The following DNAJB5 variants were observed in gnomAD, a reference collection of about 807,000 sequenced individuals.
DNAJB5 encodes the protein dnaJ homolog subfamily B member 5.
DNAJB5 carries 12 observed loss-of-function variants against 32.6 expected under a neutral mutation model. The observed-to-expected ratio is 0.37, with a 90% CI of 0.24 to 0.60. The LOEUF is 0.60. Among genes scored for constraint, DNAJB5 ranks in the 20% least tolerant of loss-of-function variants. The probability of loss-of-function intolerance (pLI) is 0.71; values close to 1 mark genes in which losing one functional copy is unlikely to be tolerated. For missense variants in DNAJB5, 358 were observed against 554.2 expected (o/e 0.65, Z 3.55); for synonymous variants, 188 against 212.9 (o/e 0.88, Z 1.02).
In DNAJB5 at chr9:34,996,265, G is replaced by T; in HGVS notation, c.428G>T (p.Gly143Val). The T allele has an allele frequency of 6.2e-7, 1 of 1,612,872 alleles. No individual in the cohort carries two copies. The highest frequency in any genetic ancestry group is 8.5e-7 in the Non-Finnish European group (1 of 1,179,246). Residue 143 changes from glycine (G) to valine (V), a missense_variant and splice_region_variant, in exon 4 of 5, where the codon GGC (glycine) becomes GTC (valine). Around this residue, in one of 2 missense-constraint regions of DNAJB5, gnomAD observed 248 missense variants for 442.6 expected, o/e 0.56. Transcript: ENST00000682809. This position sits in a 1 kb window ranked among gnomAD's most constrained non-coding sequence, Gnocchi z 7.2. ...GCCCCTAACTTCTCCTCCCCTCTAG[G>T]CCTGAAGACCGGCGGTGGCACATCA... ...RGLYDQYGEE[G>V]LKTGGGTSGG...
At chr9:34,991,591 G>A (rs887927590) in intron 2 of DNAJB5, 6 of 329,198 alleles carry the variant, frequency 1.8e-5, no homozygotes, top group African/African-American at 4.4e-5. Context: ...AAGAAGGTGT[G>A]GGTTGAGGCA....
Position 34,997,791 on chromosome 9 carries a change from GGA to G in DNAJB5, c.*538_*539del, listed in dbSNP as rs1436825081. On this transcript the variant is annotated 3_prime_UTR_variant, in exon 5 of 5. Coordinates refer to ENST00000682809, the MANE Select transcript of DNAJB5 (RefSeq NM_001349723.3). The surrounding 1 kb of genome is among the most constrained non-coding windows in gnomAD (Gnocchi z 4.1). ...GCTGTCTGTGCCTCTCTGGGAGAAA[GGA>G]GAGAGGATAAGAAGGGAAAGTTCAC... is the stretch of plus-strand genomic sequence containing the variant. 4 of 216,652 alleles carry G rather than the reference GGA, an allele frequency of 1.8e-5. No homozygotes were observed. The highest frequency in any genetic ancestry group is 1.4e-4 in the South Asian group (2 of 13,894). The allele number at this position is 216,652 out of a possible 1,614,324, so 13.4% of individuals were successfully genotyped here.
In DNAJB5 at chr9:34,998,246, C is replaced by T. The variant is rs1414678569; in HGVS notation, c.*987C>T. The T allele has an allele frequency of 6.6e-6, 1 of 152,550 alleles. No homozygotes were observed. The allele number at this position is 152,550 out of a possible 1,614,324, so 9.4% of individuals were successfully genotyped here. A position where few individuals can be genotyped will look rare whatever the true frequency, so the allele number is the denominator to read the frequency against. ...GCCCTTTTATGCCTGTGTGATCCCA[C>T]CCCACCCCCATAGTTGTATAAAGGT... On this transcript the variant is annotated 3_prime_UTR_variant, in exon 5 of 5. Coordinates refer to ENST00000682809, the MANE Select transcript of DNAJB5 (RefSeq NM_001349723.3).
rs1263255612 is a variant in DNAJB5, at chr9:34,990,019, G to A, written c.-133+188G>A. 6.7e-6 allele frequency among the ~76,000 whole-genome samples: 1 copy of A among 148,722 alleles called. No homozygotes were observed. Among genetic ancestry groups the A allele is most frequent in the East Asian group, 2.1e-4 (1 of 4,822 alleles). On this transcript the variant is annotated intron_variant, in intron 1 of 4. Transcript: ENST00000682809. The surrounding 1 kb of genome is among the most constrained non-coding windows in gnomAD (Gnocchi z 4.5). ...TTGGCTGTCACAGGGGGCAGCCAGCGTCTGAGTCGGGGAGGGGAGGGGAGG... is the reference window on the plus strand; with the variant it reads ...TTGGCTGTCACAGGGGGCAGCCAGCATCTGAGTCGGGGAGGGGAGGGGAGG...
intron 3 of DNAJB5, among the ~76,000 whole-genome samples, chr9:34,995,955 C>G (rs1587500998): frequency 6.6e-6 from 1 of 152,204 alleles, no homozygotes; most frequent in East Asian, 1.9e-4. Flanking sequence ...ATCTTTGGAC[C>G]ATGAGTATGT....
intron 3 of DNAJB5, among the ~76,000 whole-genome samples, chr9:34,994,546 G>C (rs1393840283): frequency 6.6e-6 from 1 of 152,212 alleles, no homozygotes; most frequent in Non-Finnish European, 1.5e-5. Flanking sequence ...CTGGCATGGA[G>C]GGATGGGAGG....
At position 34,996,856 on chromosome 9, in the gene DNAJB5, G is replaced by T; in HGVS notation, c.1019G>T (p.Ser340Ile). ...AACGTGCTCTACAGTGCCCTGATCA[G>T]CCTCAAGGAGGTGGGGCCTAGTCAG... ...GTNVLYSALI[S>I]LKEALCGCTV... is the part of the protein sequence containing the mutation. The change falls in exon 4 of 5, where the codon AGC becomes ATC. Residue 340 changes from serine (S) to isoleucine (I), a missense_variant. Ser to Ile is a moderately radical substitution (Grantham distance 142, BLOSUM62 -2). This residue lies in a region of DNAJB5 where 248 missense variants were observed against 442.6 expected (regional missense o/e 0.56). Coordinates refer to ENST00000682809, the MANE Select transcript of DNAJB5 (RefSeq NM_001349723.3). This position sits in a 1 kb window ranked among gnomAD's most constrained non-coding sequence, Gnocchi z 7.2. The T allele has an allele frequency of 6.2e-7, 1 of 1,607,360 alleles. No homozygotes were observed.
In DNAJB5 at chr9:34,996,899, G is replaced by T. The variant is rs1827814038; in HGVS notation, c.1029+33G>T. Reference sequence around the variant, plus strand: ...CTAGTCAGGCTGTGTGTGTGTGCTGGGGAGATGGTGGGGACATTCCCTCTC... The same window carrying T: ...CTAGTCAGGCTGTGTGTGTGTGCTGTGGAGATGGTGGGGACATTCCCTCTC... On this transcript the variant is annotated intron_variant, in intron 4 of 4. Transcript: ENST00000682809. This position sits in a 1 kb window ranked among gnomAD's most constrained non-coding sequence, Gnocchi z 7.2. 6.3e-7 allele frequency: 1 copy of T among 1,589,070 alleles called. No individual in the cohort carries two copies. The highest frequency in any genetic ancestry group is 8.6e-7 in the Non-Finnish European group (1 of 1,168,674).
At chr9:34,992,838 A>C in intron 2 of DNAJB5, 2 of 1,072,410 alleles carry the variant, frequency 1.9e-6, no homozygotes, top group African/African-American at 3.3e-5. Flanking sequence ...GACCTTCGCC[A>C]GCTCCTGTGT....
chr9:34,991,677 C>CA (rs948855451), intron 2 of DNAJB5: 5 of 260,982 alleles, frequency 1.9e-5, no homozygotes, highest in South Asian at 5.8e-5. Context: ...TGCCCCCCCC[C>CA]CCAACGAGGT....
In DNAJB5 at chr9:34,993,092, T is replaced by G. The variant is rs552197415; in HGVS notation, c.183-108T>G. 2 of 1,466,924 alleles carry G rather than the reference T, an allele frequency of 1.4e-6. No homozygotes were observed. Among genetic ancestry groups the G allele is most frequent in the African/African-American group, 1.4e-5 (1 of 70,396 alleles). 90.9% of individuals were successfully genotyped at this position (1,466,924 alleles called of 1,614,324 possible). ...GGGACGCAGGCCCACAGAACAGGCA[T>G]GACCTGCTGAAGGTTACCCAGGGAG... On this transcript the variant is annotated intron_variant, in intron 2 of 4. Coordinates refer to ENST00000682809, the MANE Select transcript of DNAJB5 (RefSeq NM_001349723.3). The surrounding 1 kb of genome is among the most constrained non-coding windows in gnomAD (Gnocchi z 4.7).
At position 34,991,675 on chromosome 9, in the gene DNAJB5, C is replaced by CCG. The variant is rs1554662739; in HGVS notation, c.182+864_182+865insGC. ...CCATTTCCGAAAACGGTTGCCCCCC[C>CCG]CCCCAACGAGGTGCTCTTTCTTCTC... On this transcript the variant is annotated intron_variant, in intron 2 of 4. Coordinates refer to ENST00000682809, the MANE Select transcript of DNAJB5 (RefSeq NM_001349723.3). The CCG allele has an allele frequency of 5.9e-5, 15 of 254,454 alleles. 2 individuals are homozygous for CCG. Among genetic ancestry groups the CCG allele is most frequent in the Admixed American group, 1.6e-4 (3 of 18,986 alleles). The allele number at this position is 254,454 out of a possible 1,614,324, so 15.8% of individuals were successfully genotyped here.
chr9:34,992,441 C>T (rs1827675423), intron 2 of DNAJB5: 1 of 152,262 alleles, frequency 6.6e-6, no homozygotes, highest in Non-Finnish European at 1.5e-5. Flanking sequence ...TTAGGCGGCA[C>T]AGCCCTCACA....
intron 2 of DNAJB5, chr9:34,991,093 A>T: frequency 2.0e-6 from 1 of 493,184 alleles, no homozygotes; most frequent in Non-Finnish European, 3.7e-6. Flanking sequence ...TTTCCACCTC[A>T]GCCATTTCCA....
chr9:34,996,017 C>A lies in DNAJB5; in HGVS notation c.428-248C>A, dbSNP rs4879849. Among the ~76,000 whole-genome samples the A allele has an allele frequency of 0.16, 23,677 of 152,150 alleles. 2,327 individuals carry two copies. The highest frequency in any genetic ancestry group is 0.39 in the East Asian group (2,007 of 5,176). ...CATCCTCTAAGTCCTCTAGTCCTGG[C>A]TTTTCCACCTATTGGGTAAGCAAGC... On this transcript the variant is annotated intron_variant, in intron 3 of 4. Coordinates refer to ENST00000682809, the MANE Select transcript of DNAJB5 (RefSeq NM_001349723.3). This position sits in a 1 kb window ranked among gnomAD's most constrained non-coding sequence, Gnocchi z 7.2.
At chr9:34,992,789 A>G (rs985387286) in intron 2 of DNAJB5, 97 of 1,018,596 alleles carry the variant, frequency 9.5e-5, no homozygotes, top group Non-Finnish European at 1.1e-4. Context: ...GGCGTGGCGT[A>G]GGAGACCACG....
At position 34,997,715 on chromosome 9, in the gene DNAJB5, G is replaced by C. The variant is rs1343312506; in HGVS notation, c.*456G>C. 1 of 324,484 alleles carries C rather than the reference G, an allele frequency of 3.1e-6. No homozygotes were observed. The highest frequency in any genetic ancestry group is 6.0e-6 in the Non-Finnish European group (1 of 165,406). 20.1% of individuals were successfully genotyped at this position (324,484 alleles called of 1,614,324 possible). A position where few individuals can be genotyped will look rare whatever the true frequency, so the allele number is the denominator to read the frequency against. On this transcript the variant is annotated 3_prime_UTR_variant, in exon 5 of 5. Coordinates refer to ENST00000682809, the MANE Select transcript of DNAJB5 (RefSeq NM_001349723.3). The surrounding 1 kb of genome is among the most constrained non-coding windows in gnomAD (Gnocchi z 4.1). ...TCTCAGCCCCACCCCCAGGTCCACA[G>C]TGTCCAAGGTAATGGCACACATATT...
Position 34,990,681 on chromosome 9 carries a change from G to A in DNAJB5, c.51G>A (p.Leu17=), listed in dbSNP as rs1827602444. The A allele has an allele frequency of 6.4e-7, 1 of 1,551,704 alleles. No homozygotes were observed. Residue 17 remains leucine (L), a synonymous_variant, in exon 2 of 5, where the codon CTG becomes CTA. Transcript: ENST00000682809. The surrounding 1 kb of genome is among the most constrained non-coding windows in gnomAD (Gnocchi z 4.5). ...GCCCACCCCCAGCAGCACCCCCACT[G>A]CAGGCCCGAGGAGCTTTCCGGAGCT... ...LSCPPPAAPP[L]QARGAFRSFP...
downstream of DNAJB5, chr9:34,998,667 T>C (rs1812561301): frequency 6.6e-6 from 1 of 152,110 alleles, no homozygotes; most frequent in African/African-American, 2.4e-5. Flanking sequence ...GAAGGAAAAA[T>C]ATCCCTGCTC....
Sources: gnomAD v4.1 joint callset for allele counts (sites outside exome capture counted in the v4.1 genomes callset) on GRCh38, gnomAD v4.1.1 for gene constraint, gnomAD v4.1.1 regional missense constraint, Gnocchi (gnomAD v3.1) non-coding constraint, MANE v1.5 for transcripts, NCBI Gene and HGNC (gene_info 2026-07-23, HGNC 2026-07-21) for gene names.